The following SCMH1 variants were observed in gnomAD, a reference collection of about 807,000 sequenced individuals.
SCMH1 encodes polycomb protein SCMH1.
A neutral mutation model predicts 70.8 loss-of-function variants in SCMH1; 37 were observed. That is an observed-to-expected ratio of 0.52 (90% CI 0.40 to 0.69). SCMH1 has a LOEUF of 0.69. Ranked by LOEUF, SCMH1 falls within the 30% of genes least tolerant of loss-of-function variation. The pLI is 0.00. For synonymous variants in SCMH1, 292 were observed against 307.4 expected (o/e 0.95, Z 0.52); for missense variants, 607 against 827.3 (o/e 0.73, Z 3.27).
rs528681391 is a variant in SCMH1 at position 41,156,977 on chromosome 1, G to A, written c.106+3898C>T. Among the ~76,000 whole-genome samples, 14 of 114,960 alleles carry A rather than the reference G, an allele frequency of 1.2e-4. No individual in the cohort carries two copies. In the South Asian group the frequency reaches 4.0e-3, roughly 33 times the overall value. The allele number at this position is 114,960 out of a possible 152,430, so 75.4% of individuals were successfully genotyped here. A position where few individuals can be genotyped will look rare whatever the true frequency, so the allele number is the denominator to read the frequency against. ...ACTTTTTTTTTTTTTTTTTTTTTGA[G>A]ACAAAGCCTCACTCAGATACCCAGG... On this transcript the variant is annotated intron_variant, in intron 4 of 14. Transcript: ENST00000337495.
At chr1:41,057,286 G>C (rs1329194381) in intron 10 of SCMH1, among the ~76,000 whole-genome samples, 2 of 152,010 alleles carry the variant, frequency 1.3e-5, no homozygotes, top group Non-Finnish European at 2.9e-5. Flanking sequence ...TGTTTTTTGA[G>C]ACAGAATCTT....
chr1:41,139,024 G>A (rs1365639289), intron 6 of SCMH1, among the ~76,000 whole-genome samples: 2 of 152,176 alleles, frequency 1.3e-5, no homozygotes, highest in African/African-American at 2.4e-5. Flanking sequence ...GGTAGGATGA[G>A]AAGAATGGTA....
Position 41,113,434 on chromosome 1 carries a change from A to G in SCMH1, c.594T>C (p.Thr198=). ...CCTCTGAGCCCCGAACCTCCCCAAT[A>G]GTGGCTGGGCAAATGAAATGAGGGT... Residue 198 remains threonine, a synonymous_variant, in exon 8 of 15, where the codon ACT becomes ACC. Coordinates refer to ENST00000337495, the Ensembl canonical transcript of SCMH1. The surrounding 1 kb of genome is among the most constrained non-coding windows in gnomAD (Gnocchi z 4.3). The G allele has an allele frequency of 6.2e-7, 1 of 1,613,942 alleles. No individual in the cohort carries two copies.
chr1:41,108,227 G>A (rs1190319749), intron 8 of SCMH1, among the ~76,000 whole-genome samples: 1 of 152,142 alleles, frequency 6.6e-6, no homozygotes, highest in Non-Finnish European at 1.5e-5. Context: ...AACATATGAA[G>A]TCACAAGAGA....
intron 10 of SCMH1, among the ~76,000 whole-genome samples, chr1:41,058,378 G>GTTTTTTTTTTCTTTTTTTTTTTTTT (rs1651280938): frequency 1.2e-5 from 1 of 81,640 alleles, no homozygotes; most frequent in Non-Finnish European, 2.1e-5. Flanking sequence ...TTTCTTTCTT[G>GTTTTTTTTTTCTTTTTTTTTTTTTT]TTTTTTTTTT....
At chr1:41,093,738 C>A (rs1038794924) in intron 8 of SCMH1, among the ~76,000 whole-genome samples, 5 of 152,074 alleles carry the variant, frequency 3.3e-5, no homozygotes, top group African/African-American at 9.7e-5. Context: ...TATTCAGTAT[C>A]AAAAATACAC....
At chr1:41,149,568 T>C (rs1299365530) in intron 5 of SCMH1, among the ~76,000 whole-genome samples, 1 of 152,222 alleles carries the variant, frequency 6.6e-6, no homozygotes, top group East Asian at 1.9e-4. Flanking sequence ...TTTTACCTGA[T>C]GGGTACTGGA....
intron 6 of SCMH1, among the ~76,000 whole-genome samples, chr1:41,130,769 C>A (rs909029957): frequency 1.3e-5 from 2 of 151,996 alleles, no homozygotes; most frequent in African/African-American, 4.8e-5. Context: ...AAAAAGAGGC[C>A]CAATACCTAT....
intron 8 of SCMH1, among the ~76,000 whole-genome samples, chr1:41,079,426 C>T (rs566913612): frequency 3.3e-5 from 5 of 152,068 alleles, no homozygotes; most frequent in African/African-American, 9.6e-5. Context: ...TATAAAAACA[C>T]AGGAAGAGAA....
intron 8 of SCMH1, among the ~76,000 whole-genome samples, chr1:41,111,233 C>T (rs966590928): frequency 6.6e-6 from 1 of 152,078 alleles, no homozygotes; most frequent in African/African-American, 2.4e-5. Flanking sequence ...TGGCTTAGTA[C>T]CTTCTAATGG....
rs148122388 is a variant in SCMH1, at chr1:41,097,342, G to A, written c.745+15941C>T. Among the ~76,000 whole-genome samples, 236 of 152,252 alleles carry A rather than the reference G, an allele frequency of 1.6e-3. 1 individual carries two copies. Among genetic ancestry groups the A allele is most frequent in the African/African-American group, 4.9e-3 (204 of 41,544 alleles). On this transcript the variant is annotated intron_variant, in intron 8 of 14. Coordinates refer to ENST00000337495, the Ensembl canonical transcript of SCMH1. ...TTGCTTAGTTTGGCATCAAGTCCAC[G>A]GTTTCCCTAGCATTTGATCTTAGTC...
Position 41,070,640 on chromosome 1 carries a change from G to A in SCMH1, c.1060C>T (p.Gln354Ter), listed in dbSNP as rs1408538642. Reference sequence around the variant, plus strand: ...GAGCTGGGGATGGTGGCAGCATCCTGGGGTACAGTGCTGGTATCCGGTTCA... The same window carrying A: ...GAGCTGGGGATGGTGGCAGCATCCTAGGGTACAGTGCTGGTATCCGGTTCA... Residue 354 changes from glutamine (Q) to a stop codon, truncating the protein, a stop_gained, in exon 10 of 15, where the codon CAG (glutamine) becomes TAG (stop). Coordinates refer to ENST00000337495, the Ensembl canonical transcript of SCMH1. LOFTEE classifies it high-confidence loss of function. The A allele has an allele frequency of 1.2e-6, 2 of 1,614,100 alleles. No homozygotes were observed. The highest frequency in any genetic ancestry group is 1.7e-6 in the Non-Finnish European group (2 of 1,179,976).
intron 2 of SCMH1, among the ~76,000 whole-genome samples, chr1:41,184,916 T>A (rs1649763966): frequency 6.6e-6 from 1 of 152,324 alleles, no homozygotes; most frequent in East Asian, 1.9e-4. Flanking sequence ...ATCTTATGTG[T>A]GTATTTGTGT....
intron 1 of SCMH1, among the ~76,000 whole-genome samples, chr1:41,207,658 G>C (rs1236027826): frequency 1.3e-5 from 2 of 152,146 alleles, no homozygotes; most frequent in Non-Finnish European, 2.9e-5. Flanking sequence ...GGATATCCAG[G>C]ACTTGAACTC....
intron 8 of SCMH1, among the ~76,000 whole-genome samples, chr1:41,103,256 T>A (rs999567461): frequency 2.6e-5 from 4 of 152,000 alleles, no homozygotes; most frequent in African/African-American, 9.7e-5. Context: ...CTCAGTCTCT[T>A]AAGTTGCTAC....
chr1:41,196,382 A>T (rs992323147), intron 1 of SCMH1, among the ~76,000 whole-genome samples: 2 of 152,196 alleles, frequency 1.3e-5, no homozygotes, highest in African/African-American at 4.8e-5. Flanking sequence ...AGACCAATGT[A>T]ATAGAACAGA....
At chr1:41,068,549 G>A (rs1053734612) in intron 10 of SCMH1, among the ~76,000 whole-genome samples, 12 of 152,120 alleles carry the variant, frequency 7.9e-5, no homozygotes, top group Non-Finnish European at 4.4e-5. Flanking sequence ...GGGACTACAG[G>A]CATGTGCCAC....
chr1:41,095,880 A>G (rs1335970980), intron 8 of SCMH1, among the ~76,000 whole-genome samples: 1 of 152,230 alleles, frequency 6.6e-6, no homozygotes, highest in Admixed American at 6.5e-5. Flanking sequence ...ACAATTGCAT[A>G]TCCATTCAAT....
At chr1:41,142,918 C>A (rs762823628) in exon 6 of SCMH1, 1 of 1,614,152 alleles carries the variant, frequency 6.2e-7, no homozygotes, top group Non-Finnish European at 8.5e-7. Flanking sequence ...TTTCACAGTT[C>A]CCAATAGGCT....
Sources: allele counts gnomAD v4.1 joint callset (sites outside exome capture counted in the v4.1 genomes callset), GRCh38; gene constraint gnomAD v4.1.1; non-coding constraint Gnocchi (gnomAD v3.1); transcripts MANE v1.5; gene names NCBI Gene and HGNC (gene_info 2026-07-23, HGNC 2026-07-21).